Variants in GLRA3 observed in about 807,000 individuals in gnomAD.
GLRA3 encodes glycine receptor subunit alpha-3.
Under a neutral mutation model 60.4 loss-of-function variants are expected in GLRA3, and 44 were observed. That is an observed-to-expected ratio of 0.73 (90% CI 0.57 to 0.94). GLRA3 has a LOEUF of 0.94. GLRA3 is among the 40% of genes least tolerant of loss of function. The pLI, the probability that GLRA3 is intolerant of heterozygous loss-of-function variation, is 0.00. For synonymous variants in GLRA3, 223 were observed against 192.9 expected (o/e 1.16, Z -1.29); for missense variants, 508 against 564.6 (o/e 0.90, Z 1.02).
intron 1 of GLRA3, among the ~76,000 whole-genome samples, chr4:174,817,233 C>T (rs78459792): frequency 0.04 from 6,054 of 152,266 alleles, 144 homozygotes; most frequent in Middle Eastern, 0.065. Context: ...GAAGCCTCTT[C>T]GTTCTGATGG....
chr4:174,756,697 T>G (rs1165306733), intron 3 of GLRA3, among the ~76,000 whole-genome samples: 4 of 149,190 alleles, frequency 2.7e-5, no homozygotes, highest in Non-Finnish European at 5.9e-5. Flanking sequence ...CAGGCTGGAG[T>G]GCAGTGGCGC....
intron 3 of GLRA3, among the ~76,000 whole-genome samples, chr4:174,756,201 T>G (rs1737689447): frequency 6.6e-6 from 1 of 152,154 alleles, no homozygotes; most frequent in Admixed American, 6.5e-5. Flanking sequence ...TCATCAATTT[T>G]ACATGAACCA....
intron 1 of GLRA3, among the ~76,000 whole-genome samples, chr4:174,804,991 C>G (rs578001905): frequency 2.0e-5 from 3 of 152,168 alleles, no homozygotes; most frequent in Admixed American, 2.0e-4. Context: ...ATGGAGCCTT[C>G]GTGTTGAACA....
intron 5 of GLRA3, among the ~76,000 whole-genome samples, chr4:174,695,783 G>A (rs1039614500): frequency 2.6e-4 from 40 of 152,190 alleles, no homozygotes; most frequent in Admixed American, 1.8e-3. Context: ...CAAATAGGAA[G>A]AGGGGATGTC....
At chr4:174,817,270 G>A (rs1740543279) in intron 1 of GLRA3, among the ~76,000 whole-genome samples, 1 of 152,196 alleles carries the variant, frequency 6.6e-6, no homozygotes, top group African/African-American at 2.4e-5. Flanking sequence ...ATGAATGAAA[G>A]CAGAGCATCT....
intron 5 of GLRA3, among the ~76,000 whole-genome samples, chr4:174,703,115 T>C (rs1173691017): frequency 6.6e-6 from 1 of 152,198 alleles, no homozygotes; most frequent in Non-Finnish European, 1.5e-5. Context: ...GTGGGCTATG[T>C]TGTGAAGAAA....
chr4:174,690,549 T>C (rs1734755731), intron 5 of GLRA3, among the ~76,000 whole-genome samples: 1 of 152,228 alleles, frequency 6.6e-6, no homozygotes, highest in South Asian at 2.1e-4. Flanking sequence ...TTTGAAAGTT[T>C]GTTACATACG....
At chr4:174,739,096 G>C (rs575972724) in intron 3 of GLRA3, among the ~76,000 whole-genome samples, 110 of 152,308 alleles carry the variant, frequency 7.2e-4, no homozygotes, top group Middle Eastern at 3.4e-3. Context: ...CAAAGTTTTG[G>C]GATAGTTTGC....
At chr4:174,812,999 AC>A (rs1740331622) in intron 1 of GLRA3, among the ~76,000 whole-genome samples, 2 of 151,994 alleles carry the variant, frequency 1.3e-5, no homozygotes, top group South Asian at 4.1e-4. Flanking sequence ...GCATAACAAA[AC>A]CCCTAGAGAC....
At chr4:174,817,104 C>A (rs1740536128) in intron 1 of GLRA3, among the ~76,000 whole-genome samples, 2 of 152,154 alleles carry the variant, frequency 1.3e-5, no homozygotes, top group African/African-American at 4.8e-5. Flanking sequence ...GAGATGCTTC[C>A]AAGAAGTTCA....
chr4:174,683,262 T>G (rs1413654637), intron 5 of GLRA3, among the ~76,000 whole-genome samples: 2 of 152,270 alleles, frequency 1.3e-5, no homozygotes, highest in Non-Finnish European at 2.9e-5. Flanking sequence ...AATTTTCATT[T>G]TGATTTCATT....
At chr4:174,747,541 G>A (rs893564182) in intron 3 of GLRA3, among the ~76,000 whole-genome samples, 3 of 152,144 alleles carry the variant, frequency 2.0e-5, no homozygotes, top group Non-Finnish European at 4.4e-5. Context: ...TGGGTAGTAA[G>A]GGAGGAGCAG....
rs1390025439 is a variant in GLRA3, at chr4:174,637,950, A to C, written c.*5836T>G. On this transcript the variant is annotated 3_prime_UTR_variant, in exon 10 of 10. Transcript: ENST00000274093. ...TATCTCATCATTGTTTAACACTTAC[A>C]ATGCTCTCATGAATGGTTTAAATAA... 4 of 152,146 alleles carry C rather than the reference A, an allele frequency of 2.6e-5. 1 individual carries two copies. The South Asian group carries it at 8.3e-4, about 32-fold the overall frequency. The allele number at this position is 152,146 out of a possible 1,614,324, so 9.4% of individuals were successfully genotyped here.
intron 3 of GLRA3, among the ~76,000 whole-genome samples, chr4:174,740,093 C>T (rs1026032672): frequency 6.6e-6 from 1 of 152,120 alleles, no homozygotes; most frequent in Admixed American, 6.5e-5. Context: ...CTTTTGGGAA[C>T]CTCATTTGCA....
At chr4:174,737,034 G>A (rs1253650179) in intron 3 of GLRA3, among the ~76,000 whole-genome samples, 1 of 152,162 alleles carries the variant, frequency 6.6e-6, no homozygotes, top group Admixed American at 6.5e-5. Context: ...TACTTTTCAT[G>A]ATAGCGACAT....
At chr4:174,649,323 C>T (rs1291318347) in intron 9 of GLRA3, among the ~76,000 whole-genome samples, 3 of 152,110 alleles carry the variant, frequency 2.0e-5, no homozygotes, top group African/African-American at 7.2e-5. Context: ...ATCATGGTCA[C>T]ACTAAAAACT....
chr4:174,784,809 T>A (rs1052050209), intron 2 of GLRA3, among the ~76,000 whole-genome samples: 7 of 152,220 alleles, frequency 4.6e-5, no homozygotes, highest in Non-Finnish European at 8.8e-5. Context: ...AGGACTAAGA[T>A]ATAATAGAAA....
At chr4:174,786,318 A>T (rs867154411) in intron 2 of GLRA3, among the ~76,000 whole-genome samples, 1 of 152,108 alleles carries the variant, frequency 6.6e-6, no homozygotes, top group Non-Finnish European at 1.5e-5. Flanking sequence ...TACCACAGAG[A>T]AAAAATGAGT....
chr4:174,643,972 G>C lies in GLRA3; in HGVS notation c.1209C>G (p.Pro403=). The stretch of plus-strand genomic sequence containing the variant: ...TTGGCATTACCTGGACAGGGTGGTT[G>C]GGGCCCTTTGGAGTCATGCCATCCT... ...QAKDGMTPKG[P]NHPVQVMPKS... Residue 403 remains proline (P), a synonymous_variant, in exon 10 of 10, where the codon CCC becomes CCG. Coordinates refer to ENST00000274093, the MANE Select transcript of GLRA3 (RefSeq NM_006529.4). 2.5e-6 allele frequency: 4 copies of C among 1,613,730 alleles called. No homozygotes were observed. The highest frequency in any genetic ancestry group is 2.5e-6 in the Non-Finnish European group (3 of 1,179,732).
Sources: allele counts gnomAD v4.1 joint callset (sites outside exome capture counted in the v4.1 genomes callset), GRCh38; gene constraint gnomAD v4.1.1; transcripts MANE v1.5; gene names NCBI Gene and HGNC (gene_info 2026-07-23, HGNC 2026-07-21).